RABGGTB: variants seen among roughly 807,000 people sequenced by gnomAD.
The protein encoded by RABGGTB is geranylgeranyl transferase type-2 subunit beta.
A neutral mutation model predicts 44.5 loss-of-function variants in RABGGTB; 20 were observed. The observed-to-expected ratio is 0.45, with a 90% CI of 0.32 to 0.65. The LOEUF is 0.65. Ranked by LOEUF, RABGGTB falls within the 30% of genes least tolerant of loss-of-function variation. The pLI is 0.05. For synonymous variants in RABGGTB, 128 were observed against 136.7 expected (o/e 0.94, Z 0.44); for missense variants, 302 against 398.7 (o/e 0.76, Z 2.06).
Position 75,794,637 on chromosome 1 carries a change from A to G in RABGGTB, c.983A>G (p.Glu328Gly). The change falls in exon 9 of 9, where the codon GAG (glutamate) becomes GGG (glycine). Residue 328 changes from glutamate to glycine, a missense_variant. Glu to Gly is a moderately conservative substitution (Grantham distance 98). This residue lies in a region of RABGGTB where 213 missense variants were observed against 323.7 expected (regional missense o/e 0.66). Transcript: ENST00000319942. ...CTTCAGAGAGTGAATGTTCAGCCTG[A>G]GCTAGTGAGCTAGATTCATTGAATT... ...EVLQRVNVQP[E>G]LVS is the part of the protein sequence containing the mutation. 1 of 1,606,806 alleles carries G rather than the reference A, an allele frequency of 6.2e-7. No individual in the cohort carries two copies. Among genetic ancestry groups the G allele is most frequent in the Non-Finnish European group, 8.5e-7 (1 of 1,176,144 alleles).
At chr1:75,789,427 G>C (rs6696513) in intron 3 of RABGGTB, 71 bp downstream of exon 3, 3 of 1,491,254 alleles carry the variant, frequency 2.0e-6, no homozygotes, top group African/African-American at 2.8e-5. Flanking sequence ...AATTGAAACT[G>C]TATCAGGATT....
At chr1:75,791,085 T>A (rs1649635476) in intron 4 of RABGGTB, among the ~76,000 whole-genome samples, 200 bp from the exon 5 acceptor site, 1 of 152,202 alleles carries the variant, frequency 6.6e-6, no homozygotes, top group Non-Finnish European at 1.5e-5. Flanking sequence ...CTACTGTGCC[T>A]GGTCAATTTG....
intron 2 of RABGGTB, chr1:75,788,061 A>G: frequency 2.5e-6 from 1 of 402,286 alleles, no homozygotes; most frequent in South Asian, 1.8e-5. Flanking sequence ...TTAAGAGTAA[A>G]TGTTTTTCCC....
chr1:75,786,555 T>A (rs949149745), intron 1 of RABGGTB: 1 of 412,684 alleles, frequency 2.4e-6, no homozygotes, highest in East Asian at 3.8e-5. Flanking sequence ...TGTGGCTGAT[T>A]GGTGGCTTTT....
At chr1:75,789,918 A>AG in intron 3 of RABGGTB, 34 bp from the exon 4 acceptor site, 1 of 1,469,740 alleles carries the variant, frequency 6.8e-7, no homozygotes, top group Non-Finnish European at 9.5e-7. Flanking sequence ...TAAACCTGAA[A>AG]GGGACATTTA....
In RABGGTB at chr1:75,786,290, G is replaced by T. The variant is rs113892674; in HGVS notation, c.3+16G>T. ...GTTAGACATGGTAAGTGTGAGTTTA[G>T]CGCTGCTGTCCGGATGGGTTGGTAG... On this transcript the variant is annotated intron_variant, in intron 1 of 8. Coordinates refer to ENST00000319942, the MANE Select transcript of RABGGTB (RefSeq NM_004582.4). The T allele has an allele frequency of 1.5e-3, 2,361 of 1,614,182 alleles. 26 individuals carry two copies. The African/African-American group carries it at 0.027, about 19-fold the overall frequency.
intron 2 of RABGGTB, chr1:75,788,854 A>T (rs1335468681): frequency 5.5e-6 from 2 of 362,070 alleles, no homozygotes; most frequent in Non-Finnish European, 1.0e-5. Flanking sequence ...AACTTCACTG[A>T]TGAAAAAGGT....
chr1:75,789,683 A>G, intron 3 of RABGGTB: 1 of 572,346 alleles, frequency 1.7e-6, no homozygotes, highest in South Asian at 2.1e-5. Flanking sequence ...TGAGATGGGA[A>G]GATCAGGACT....
chr1:75,792,372 G>A (rs1649666869), intron 7 of RABGGTB, 66 bp downstream of exon 7: 2 of 1,575,052 alleles, frequency 1.3e-6, no homozygotes, highest in Non-Finnish European at 8.7e-7. Context: ...GCTTTGTCTT[G>A]CCTGTTTCTA....
intron 4 of RABGGTB, among the ~76,000 whole-genome samples, chr1:75,790,773 A>G (rs1281653433): frequency 2.0e-5 from 3 of 151,946 alleles, no homozygotes; most frequent in Non-Finnish European, 4.4e-5. Context: ...CCACCTCCCA[A>G]GCTCAAGCAA....
rs189706403 is a variant in RABGGTB at position 75,794,869 on chromosome 1, G to C, written c.*219G>C. 7 of 231,754 alleles carry C rather than the reference G, an allele frequency of 3.0e-5. No individual in the cohort carries two copies. Among genetic ancestry groups the C allele is most frequent in the Admixed American group, 1.6e-4 (3 of 18,470 alleles). 14.4% of individuals were successfully genotyped at this position (231,754 alleles called of 1,614,324 possible). A position where few individuals can be genotyped will look rare whatever the true frequency, so the allele number is the denominator to read the frequency against. ...CCTGTTATTCTGACTACAGTTCTTT[G>C]TGTATACTTCTGTGTCTGTTATGTT... On this transcript the variant is annotated 3_prime_UTR_variant, in exon 9 of 9. Coordinates refer to ENST00000319942, the MANE Select transcript of RABGGTB (RefSeq NM_004582.4).
At chr1:75,793,965 A>T in intron 7 of RABGGTB, 119 bp from the exon 8 acceptor site, 1 of 1,066,582 alleles carries the variant, frequency 9.4e-7, no homozygotes, top group Non-Finnish European at 1.3e-6. Context: ...GTCCTTCCAC[A>T]TGGTTTGACA....
At chr1:75,788,510 C>A (rs1164586438) in intron 2 of RABGGTB, 1 of 154,038 alleles carries the variant, frequency 6.5e-6, no homozygotes, top group African/African-American at 2.4e-5. Flanking sequence ...AGAGTGGTCT[C>A]AAACTCCTGA....
intron 1 of RABGGTB, 131 bp downstream of exon 1, chr1:75,786,405 GTTTT>G: frequency 1.5e-6 from 2 of 1,311,148 alleles, no homozygotes; most frequent in Non-Finnish European, 1.1e-6. Flanking sequence ...GCCTTGGAAG[GTTTT>G]TTGAGTGTGA....
rs1649644762 is a variant in RABGGTB, at chr1:75,791,496, C to T, written c.504C>T (p.Ile168=). The change falls in exon 6 of 9, where the codon ATC becomes ATT. Residue 168 remains isoleucine (I), a synonymous_variant. Transcript: ENST00000319942. The part of the protein sequence containing the change: ...KLDAINVEKA[I]EFVLSCMNFD... ...ATGCTATTAATGTGGAAAAGGCAAT[C>T]GAATTTGTTTTATCCTGTATGAACT... 1 of 1,612,534 alleles carries T rather than the reference C, an allele frequency of 6.2e-7. No individual in the cohort carries two copies. Among genetic ancestry groups the T allele is most frequent in the Admixed American group, 1.7e-5 (1 of 59,818 alleles).
At position 75,789,975 on chromosome 1, in the gene RABGGTB, T is replaced by G. The variant is rs375531629; in HGVS notation, c.333T>G (p.Ile111Met). 2.0e-5 allele frequency: 32 copies of G among 1,610,480 alleles called. No homozygotes were observed. The East Asian group carries it at 3.6e-4, about 18-fold the overall frequency. The change falls in exon 4 of 9, where the codon ATT (isoleucine) becomes ATG (methionine). Residue 111 changes from isoleucine to methionine, a missense_variant. Around this residue, in one of 2 missense-constraint regions of RABGGTB, gnomAD observed 213 missense variants for 323.7 expected, o/e 0.66. Transcript: ENST00000319942. ...AVQILTLYDS[I>M]NVIDVNKVVE... ...AGATTCTTACGCTGTATGACAGTAT[T>G]AATGTTATTGACGTAAATAAAGTTG...
At position 75,789,936 on chromosome 1, in the gene RABGGTB, C is replaced by T. The variant is rs77258549; in HGVS notation, c.310-16C>T. 3,138 of 1,563,882 alleles carry T rather than the reference C, an allele frequency of 2.0e-3. 49 individuals are homozygous for T. The African/African-American group carries it at 0.039, about 19-fold the overall frequency. ...ACCTGAAAGGGACATTTACCTAATACTTGTCTTTATTGCAGATTCTTACGC... is the reference window on the plus strand; with the variant it reads ...ACCTGAAAGGGACATTTACCTAATATTTGTCTTTATTGCAGATTCTTACGC... On this transcript the variant is annotated splice_polypyrimidine_tract_variant and intron_variant, in intron 3 of 8. Coordinates refer to ENST00000319942, the MANE Select transcript of RABGGTB (RefSeq NM_004582.4).
At chr1:75,789,034 C>G (rs1161553769) in intron 2 of RABGGTB, 125 bp from the exon 3 acceptor site, 3 of 756,264 alleles carry the variant, frequency 4.0e-6, no homozygotes, top group Non-Finnish European at 4.4e-6. Flanking sequence ...CACTACTGAT[C>G]AGTGCTGTTA....
chr1:75,789,687 C>T (rs968351648), intron 3 of RABGGTB: 2 of 573,092 alleles, frequency 3.5e-6, no homozygotes, highest in Non-Finnish European at 6.2e-6. Context: ...ATGGGAAGAT[C>T]AGGACTTTGT....
Sources: gnomAD v4.1 joint callset for allele counts (sites outside exome capture counted in the v4.1 genomes callset) on GRCh38, gnomAD v4.1.1 for gene constraint, gnomAD v4.1.1 regional missense constraint, MANE v1.5 for transcripts, NCBI Gene and HGNC (gene_info 2026-07-23, HGNC 2026-07-21) for gene names.